DYRK3: variants seen among roughly 807,000 people sequenced by gnomAD.
The protein encoded by DYRK3 is dual specificity tyrosine phosphorylation regulated kinase 3.
DYRK3 carries 30 observed loss-of-function variants against 40.8 expected under a neutral mutation model. The ratio of observed to expected loss-of-function variants is 0.74; its 90% CI spans 0.55 to 1.00. DYRK3 has a LOEUF of 1.00. Among genes scored for constraint, DYRK3 ranks in the 50% least tolerant of loss-of-function variants. The probability of loss-of-function intolerance (pLI) is 0.00; values close to 1 mark genes in which losing one functional copy is unlikely to be tolerated. For missense variants in DYRK3, 699 were observed against 731.5 expected (o/e 0.96, Z 0.51); for synonymous variants, 272 against 260.7 (o/e 1.04, Z -0.42).
rs1553420565 is a variant in DYRK3, at chr1:206,648,140, G to C, written c.942G>C (p.Lys314Asn). 2 of 1,614,160 alleles carry C rather than the reference G, an allele frequency of 1.2e-6. No homozygotes were observed. The highest frequency in any genetic ancestry group is 1.7e-6 in the Non-Finnish European group (2 of 1,180,026). ...GTTTTAGCGTCCAGTTGGTACGCAA[G>C]TTTGCCCAGTCCATCTTGCAATCTT... ...FQGFSVQLVR[K>N]FAQSILQSLD... Residue 314 changes from lysine to asparagine, a missense_variant, in exon 3 of 3, where the codon AAG becomes AAC. By Grantham distance (94) the Lys-to-Asn change is moderately conservative. Coordinates refer to ENST00000367109, the MANE Select transcript of DYRK3 (RefSeq NM_003582.4).
rs1477437378 is a variant in DYRK3, at chr1:206,650,301, T to A, written c.*1336T>A. 6.6e-6 allele frequency among the ~76,000 whole-genome samples: 1 copy of A among 152,218 alleles called. No individual in the cohort carries two copies. Among genetic ancestry groups the A allele is most frequent in the Non-Finnish European group, 1.5e-5 (1 of 68,034 alleles). The stretch of plus-strand genomic sequence containing the variant: ...GTGCTCTTGGCTGGGTATTAGTGGC[T>A]CATGCCTGTAATCCCAGCACTTTGG... On this transcript the variant is annotated 3_prime_UTR_variant, in exon 3 of 3. Transcript: ENST00000367109.
chr1:206,637,542 G>C (rs2102328881), intron 1 of DYRK3, 108 bp from the exon 2 acceptor site: 6 of 707,644 alleles, frequency 8.5e-6, no homozygotes, highest in Middle Eastern at 3.0e-4. Flanking sequence ...ATGTAGTGTA[G>C]ACATTTATTT....
chr1:206,648,738 G>C lies in DYRK3; in HGVS notation c.1540G>C (p.Ala514Pro), dbSNP rs1553420846. Residue 514 changes from alanine to proline, a missense_variant, in exon 3 of 3, where the codon GCT (alanine) becomes CCT (proline). Ala to Pro is a conservative substitution (Grantham distance 27). Transcript: ENST00000367109. ...GGACCCCTCTGCCCGCTTGACCCCA[G>C]CTCAAGCATTAAGACACCCTTGGAT... ...HWDPSARLTP[A>P]QALRHPWISK... 2 of 1,613,942 alleles carry C rather than the reference G, an allele frequency of 1.2e-6. No homozygotes were observed. Among genetic ancestry groups the C allele is most frequent in the African/African-American group, 1.3e-5 (1 of 74,916 alleles).
In DYRK3 at chr1:206,648,492, C is replaced by T. The variant is rs782650851; in HGVS notation, c.1294C>T (p.Leu432Phe). The stretch of plus-strand genomic sequence containing the variant: ...GCTTCTAGGGATGCCACCACCAAAA[C>T]TTCTGGAGCAATCCAAACGTGCCAA... ...MELLGMPPPK[L>F]LEQSKRAKYF... The change falls in exon 3 of 3, where the codon CTT becomes TTT. Residue 432 changes from leucine (L) to phenylalanine (F), a missense_variant. Coordinates refer to ENST00000367109, the MANE Select transcript of DYRK3 (RefSeq NM_003582.4). 6.2e-7 allele frequency: 1 copy of T among 1,614,174 alleles called. No individual in the cohort carries two copies. Among genetic ancestry groups the T allele is most frequent in the Non-Finnish European group, 8.5e-7 (1 of 1,180,034 alleles).
chr1:206,639,465 A>ATT (rs11400833), intron 2 of DYRK3, among the ~76,000 whole-genome samples: 4,955 of 118,472 alleles, frequency 0.042, 352 homozygotes, highest in East Asian at 0.14. Flanking sequence ...ATTTTAACTG[A>ATT]TTTTTTTTTT....
At chr1:206,644,859 T>C (rs552567786) in intron 2 of DYRK3, among the ~76,000 whole-genome samples, 5 of 152,324 alleles carry the variant, frequency 3.3e-5, no homozygotes, top group African/African-American at 1.2e-4. Context: ...ATTCTATATG[T>C]GGGCCTGTTT....
At position 206,653,903 on chromosome 1, in the gene DYRK3, G is replaced by C. The variant is rs777794343; in HGVS notation, c.*4938G>C. On this transcript the variant is annotated 3_prime_UTR_variant, in exon 3 of 3. Coordinates refer to ENST00000367109, the MANE Select transcript of DYRK3 (RefSeq NM_003582.4). ...CTAATGTCATTACAATTTAGTTTTT[G>C]TGACAATCTGTTAAGAAGGGGGCTT... Among the ~76,000 whole-genome samples the C allele has an allele frequency of 2.6e-5, 4 of 152,156 alleles. No individual in the cohort carries two copies. The highest frequency in any genetic ancestry group is 6.5e-5 in the Admixed American group (1 of 15,278).
chr1:206,646,263 T>A (rs1388790185), intron 2 of DYRK3, among the ~76,000 whole-genome samples: 1 of 152,246 alleles, frequency 6.6e-6, no homozygotes, highest in Non-Finnish European at 1.5e-5. Flanking sequence ...TACCCTTTTT[T>A]TGTAATAGTA....
intron 2 of DYRK3, among the ~76,000 whole-genome samples, chr1:206,638,770 T>C (rs371875521): frequency 6.6e-6 from 1 of 152,118 alleles, no homozygotes; most frequent in Admixed American, 6.6e-5. Context: ...CTCTTTCACG[T>C]TTCTGTGTTT....
In DYRK3 at chr1:206,648,993, A is replaced by C. The variant is rs781821673; in HGVS notation, c.*28A>C. 2.6e-6 allele frequency: 4 copies of C among 1,558,484 alleles called. No homozygotes were observed. The highest frequency in any genetic ancestry group is 3.5e-6 in the Non-Finnish European group (4 of 1,150,748). ...GACAGAGATATGCCCAGAGATGCATATGTGTATATTTTTATGATCTTACAA... is the reference window on the plus strand; with the variant it reads ...GACAGAGATATGCCCAGAGATGCATCTGTGTATATTTTTATGATCTTACAA... On this transcript the variant is annotated 3_prime_UTR_variant, in exon 3 of 3. Transcript: ENST00000367109.
chr1:206,642,709 T>C (rs1330164207), intron 2 of DYRK3, among the ~76,000 whole-genome samples: 1 of 151,932 alleles, frequency 6.6e-6, no homozygotes, highest in African/African-American at 2.4e-5. Context: ...TTCTCACTCA[T>C]AGGTGCGAAT....
Position 206,635,743 on chromosome 1 carries a change from G to C in DYRK3, c.40G>C (p.Gly14Arg). 8.0e-7 allele frequency: 1 copy of C among 1,245,164 alleles called. No homozygotes were observed. Among genetic ancestry groups the C allele is most frequent in the South Asian group, 4.0e-5 (1 of 25,066 alleles). The allele number at this position is 1,245,164 out of a possible 1,614,324, so 77.1% of individuals were successfully genotyped here. A position where few individuals can be genotyped will look rare whatever the true frequency, so the allele number is the denominator to read the frequency against. ...TCGTGGGCCTGGGCGGAAGGATGCG[G>C]GGCCGCCTGGGGCCGGGCTCCCGCC... ...TARGPGRKDA[G>R]PPGAGLPPQQ... The change falls in exon 1 of 3, where the codon GGG becomes CGG. Residue 14 changes from glycine (G) to arginine (R), a missense_variant. Physicochemically the swap from Gly to Arg is moderately radical, Grantham distance 125 (BLOSUM62 -2). Coordinates refer to ENST00000367109, the MANE Select transcript of DYRK3 (RefSeq NM_003582.4).
Position 206,653,255 on chromosome 1 carries a change from T to C in DYRK3, c.*4290T>C, listed in dbSNP as rs1671677739. On this transcript the variant is annotated 3_prime_UTR_variant, in exon 3 of 3. Coordinates refer to ENST00000367109, the MANE Select transcript of DYRK3 (RefSeq NM_003582.4). ...CTGGTCTTGAACTCCTGGGCTCAAG[T>C]GATCCATGTGCCTTACCCTCTCAAA... 1.3e-5 allele frequency among the ~76,000 whole-genome samples: 2 copies of C among 152,176 alleles called. No homozygotes were observed. Among genetic ancestry groups the C allele is most frequent in the Admixed American group, 1.3e-4 (2 of 15,268 alleles).
chr1:206,644,031 C>CTTTTGTTTTTTT (rs1671373891), intron 2 of DYRK3, among the ~76,000 whole-genome samples: 1 of 101,050 alleles, frequency 9.9e-6, no homozygotes, highest in Non-Finnish European at 1.9e-5. Context: ...GGACCTACAG[C>CTTTTGTTTTTTT]TTTTTTTTTT....
Position 206,648,172 on chromosome 1 carries a change from C to T in DYRK3, c.974C>T (p.Ala325Val). ...CAGTCCATCTTGCAATCTTTGGATG[C>T]CCTCCACAAAAATAAGATTATTCAC... ...FAQSILQSLDALHKNKIIHCD... is the reference protein window; with the variant it reads ...FAQSILQSLDVLHKNKIIHCD... The change falls in exon 3 of 3, where the codon GCC becomes GTC. Residue 325 changes from alanine (A) to valine (V), a missense_variant. Ala to Val is a moderately conservative substitution (Grantham distance 64, BLOSUM62 0). Coordinates refer to ENST00000367109, the MANE Select transcript of DYRK3 (RefSeq NM_003582.4). 1.2e-6 allele frequency: 2 copies of T among 1,614,072 alleles called. No individual in the cohort carries two copies. Among genetic ancestry groups the T allele is most frequent in the Non-Finnish European group, 1.7e-6 (2 of 1,180,010 alleles).
chr1:206,644,984 CT>C (rs1671409383), intron 2 of DYRK3, among the ~76,000 whole-genome samples: 1 of 152,202 alleles, frequency 6.6e-6, no homozygotes, highest in Non-Finnish European at 1.5e-5. Flanking sequence ...TACATTTGAA[CT>C]GGCTCCTTGA....
In DYRK3 at chr1:206,652,659, C is replaced by T. The variant is rs531491479; in HGVS notation, c.*3694C>T. 3.3e-5 allele frequency among the ~76,000 whole-genome samples: 5 copies of T among 152,258 alleles called. No homozygotes were observed. The highest frequency in any genetic ancestry group is 1.2e-4 in the African/African-American group (5 of 41,554). On this transcript the variant is annotated 3_prime_UTR_variant, in exon 3 of 3. Coordinates refer to ENST00000367109, the MANE Select transcript of DYRK3 (RefSeq NM_003582.4). ...GTGGGCTGCTTAAAAACATGGTGCTCGTCCACATGGATTTGAGGAAGTTTA... is the reference window on the plus strand; with the variant it reads ...GTGGGCTGCTTAAAAACATGGTGCTTGTCCACATGGATTTGAGGAAGTTTA...
intron 1 of DYRK3, chr1:206,636,003 A>G: frequency 7.0e-7 from 1 of 1,426,956 alleles, no homozygotes. Context: ...GAGCGGAGTT[A>G]GAGCAAGAAG....
intron 2 of DYRK3, among the ~76,000 whole-genome samples, chr1:206,638,646 C>T (rs7524754): frequency 0.35 from 53,226 of 150,728 alleles, 9,924 homozygotes; most frequent in South Asian, 0.42. Flanking sequence ...GTAGGCAGAG[C>T]AGGGTTTGGC....
Sources: allele counts gnomAD v4.1 joint callset (sites outside exome capture counted in the v4.1 genomes callset), GRCh38; gene constraint gnomAD v4.1.1; transcripts MANE v1.5; gene names NCBI Gene and HGNC (gene_info 2026-07-23, HGNC 2026-07-21).